The following TIAM1 variants were observed in gnomAD, a reference collection of about 807,000 sequenced individuals.
The protein encoded by TIAM1 is rho guanine nucleotide exchange factor TIAM1.
Under a neutral mutation model 163.5 loss-of-function variants are expected in TIAM1, and 65 were observed. The observed-to-expected ratio is 0.40, with a 90% CI of 0.33 to 0.49. The LOEUF is 0.49. Among genes scored for constraint, TIAM1 ranks in the 20% least tolerant of loss-of-function variants. TIAM1 has a pLI of 0.77. For synonymous variants in TIAM1, 833 were observed against 810.1 expected, an observed-to-expected ratio of 1.03 and a Z score of -0.48; for missense variants, 1,789 against 2,044.7, an observed-to-expected ratio of 0.87 and a Z score of 2.41.
At position 31,395,747 on chromosome 21, in the gene TIAM1, T is replaced by C. The variant is rs959732392; in HGVS notation, c.-368-56325A>G. ...CTGTCGCGTGAAAATTTTTGCTTTATAAATTGGGGAGGTTATTAAAAGGAC... is the reference window on the plus strand; with the variant it reads ...CTGTCGCGTGAAAATTTTTGCTTTACAAATTGGGGAGGTTATTAAAAGGAC... On this transcript the variant is annotated intron_variant, in intron 2 of 28. Coordinates refer to the TIAM1 transcript ENST00000286827. The surrounding 1 kb of genome is among the most constrained non-coding windows in gnomAD (Gnocchi z 7.5). Among the ~76,000 whole-genome samples the C allele has an allele frequency of 2.0e-5, 3 of 152,126 alleles. No homozygotes were observed. The highest frequency in any genetic ancestry group is 6.5e-5 in the Admixed American group (1 of 15,268).
At chr21:31,200,644 A>G (rs1444844619) in intron 12 of TIAM1, among the ~76,000 whole-genome samples, 1 of 152,228 alleles carries the variant, frequency 6.6e-6, no homozygotes, top group Non-Finnish European at 1.5e-5. Context: ...TTAATAAGCT[A>G]ATAAATAAGA....
rs139262917 is a variant in TIAM1, at chr21:31,222,868, T to A, written c.1995+538A>T. Among the ~76,000 whole-genome samples the A allele has an allele frequency of 1.4e-3, 215 of 151,316 alleles. 2 individuals carry two copies. Among genetic ancestry groups the A allele is most frequent in the African/African-American group, 5.1e-3 (210 of 41,262 alleles). On this transcript the variant is annotated intron_variant, in intron 8 of 27. Transcript: ENST00000541036. ...GAGTAGCTGGGATTACAGGTGTATG[T>A]CACCACACCCAGGTAATTTCTGTAC...
At chr21:31,303,172 T>G (rs2074566906) in intron 2 of TIAM1, among the ~76,000 whole-genome samples, 2 of 152,262 alleles carry the variant, frequency 1.3e-5, no homozygotes, top group South Asian at 4.1e-4. Context: ...TTTGCAGCAA[T>G]AAGGAACAGG....
At chr21:31,155,770 G>A (rs916677971) in intron 16 of TIAM1, among the ~76,000 whole-genome samples, 7 of 152,156 alleles carry the variant, frequency 4.6e-5, no homozygotes, top group African/African-American at 1.7e-4. Context: ...CAAAGTGCTG[G>A]GATTACAGGC....
chr21:31,169,706 A>G (rs542561996), intron 15 of TIAM1, among the ~76,000 whole-genome samples: 1 of 152,130 alleles, frequency 6.6e-6, no homozygotes, highest in African/African-American at 2.4e-5. Context: ...CAGCTGATAC[A>G]CACACAGGTA....
chr21:31,514,448 T>C (rs1218017503), intron 1 of TIAM1, among the ~76,000 whole-genome samples: 1 of 148,614 alleles, frequency 6.7e-6, no homozygotes, highest in Admixed American at 6.8e-5. Flanking sequence ...GAGGCCAAAA[T>C]GGGCAGATCA....
chr21:31,154,182 C>T lies in TIAM1; in HGVS notation c.3171+65G>A, dbSNP rs1049002810. On this transcript the variant is annotated intron_variant, in intron 17 of 27. Coordinates refer to ENST00000541036, the MANE Select transcript of TIAM1 (RefSeq NM_001353694.2). ...TAAATCAGCTGTTAATGAAAACCAG[C>T]AGACACACCAACTTCACTCCTTTAC... 10 of 1,535,962 alleles carry T rather than the reference C, an allele frequency of 6.5e-6. No homozygotes were observed. The African/African-American group carries it at 1.1e-4, about 17-fold the overall frequency.
intron 2 of TIAM1, among the ~76,000 whole-genome samples, chr21:31,297,623 ATCCACC>A (rs1243351604): frequency 1.3e-5 from 2 of 152,150 alleles, no homozygotes; most frequent in Non-Finnish European, 2.9e-5. Context: ...ACCTCAGGTG[ATCCACC>A]CGCCTTGGCC....
At chr21:31,268,141 C>T (rs1338704709) in intron 3 of TIAM1, among the ~76,000 whole-genome samples, 1 of 152,194 alleles carries the variant, frequency 6.6e-6, no homozygotes, top group African/African-American at 2.4e-5. Context: ...GGGCATATCT[C>T]TGAGGTGGTT....
At chr21:31,438,916 A>T (rs973618852) in intron 2 of TIAM1, among the ~76,000 whole-genome samples, 3 of 152,230 alleles carry the variant, frequency 2.0e-5, no homozygotes, top group African/African-American at 7.2e-5. Flanking sequence ...CCTAGAAGGC[A>T]GTTTCATCCC....
At chr21:31,549,951 C>G (rs1357572355) in intron 1 of TIAM1, among the ~76,000 whole-genome samples, 1 of 151,558 alleles carries the variant, frequency 6.6e-6, no homozygotes, top group East Asian at 1.9e-4. Context: ...TGGTGAAACT[C>G]TGTCTCTACT....
chr21:31,328,798 A>G (rs899536162), intron 2 of TIAM1, among the ~76,000 whole-genome samples: 3 of 151,410 alleles, frequency 2.0e-5, no homozygotes, highest in African/African-American at 7.3e-5. Context: ...CTTATGAGTG[A>G]TAACCTGTGG....
intron 1 of TIAM1, among the ~76,000 whole-genome samples, chr21:31,496,508 T>G (rs1016465795): frequency 6.6e-6 from 1 of 150,512 alleles, no homozygotes; most frequent in Non-Finnish European, 1.5e-5. Context: ...TGTACAGCTG[T>G]GCATTGAGCT....
chr21:31,450,605 T>A (rs1038253610), intron 2 of TIAM1, among the ~76,000 whole-genome samples: 18 of 152,096 alleles, frequency 1.2e-4, no homozygotes, highest in African/African-American at 4.3e-4. Flanking sequence ...GAGAGTTGTG[T>A]TAGTCTGTTT....
intron 13 of TIAM1, among the ~76,000 whole-genome samples, 166 bp from the exon 14 acceptor site, chr21:31,187,253 C>T (rs939477297): frequency 1.3e-5 from 2 of 152,192 alleles, no homozygotes; most frequent in Admixed American, 6.5e-5. Context: ...TTTTAGATCA[C>T]TCTGGAAGTC....
chr21:31,296,399 T>C (rs956358028), intron 2 of TIAM1, among the ~76,000 whole-genome samples: 4 of 152,160 alleles, frequency 2.6e-5, no homozygotes, highest in African/African-American at 9.7e-5. Flanking sequence ...GATCTTCACC[T>C]AAAAGTGACA....
chr21:31,554,808 G>A (rs1035920857), intron 1 of TIAM1, among the ~76,000 whole-genome samples: 1 of 152,172 alleles, frequency 6.6e-6, no homozygotes, highest in Non-Finnish European at 1.5e-5. Context: ...AGCCCAGAGG[G>A]AGAAGAACCT....
chr21:31,180,617 G>A (rs1349432543), intron 15 of TIAM1, among the ~76,000 whole-genome samples: 1 of 152,150 alleles, frequency 6.6e-6, no homozygotes, highest in Non-Finnish European at 1.5e-5. Flanking sequence ...TAGCACATAT[G>A]TGCAAGCTTA....
chr21:31,120,959 G>T lies in TIAM1; in HGVS notation c.4307-122C>A. The T allele has an allele frequency of 1.1e-6, 1 of 875,410 alleles. No individual in the cohort carries two copies. Among genetic ancestry groups the T allele is most frequent in the Non-Finnish European group, 1.7e-6 (1 of 586,694 alleles). 54.2% of individuals were successfully genotyped at this position (875,410 alleles called of 1,614,324 possible). ...AACGGTATGCATTGAATGCCTTGAT[G>T]TCTTTTGGGGCTTAAAGTCTACATA... is the stretch of plus-strand genomic sequence containing the variant. On this transcript the variant is annotated intron_variant, in intron 27 of 27. Transcript: ENST00000541036. The surrounding 1 kb of genome is among the most constrained non-coding windows in gnomAD (Gnocchi z 4.2).
Sources: gnomAD v4.1 joint callset for allele counts (sites outside exome capture counted in the v4.1 genomes callset) on GRCh38, gnomAD v4.1.1 for gene constraint, Gnocchi (gnomAD v3.1) non-coding constraint, MANE v1.5 for transcripts, NCBI Gene and HGNC (gene_info 2026-07-23, HGNC 2026-07-21) for gene names.